PEX5L: variants seen among roughly 807,000 people sequenced by gnomAD.
The protein encoded by PEX5L is peroxisomal biogenesis factor 5 like.
PEX5L carries 30 observed loss-of-function variants against 84.0 expected under a neutral mutation model. The observed-to-expected ratio is 0.36, with a 90% CI of 0.27 to 0.48. The LOEUF is 0.48. Ranked by LOEUF, PEX5L falls within the 20% of genes least tolerant of loss-of-function variation. The probability of loss-of-function intolerance (pLI) is 0.99; values close to 1 mark genes in which losing one functional copy is unlikely to be tolerated. For synonymous variants in PEX5L, 270 were observed against 283.1 expected (o/e 0.95, Z 0.46); for missense variants, 533 against 754.6 (o/e 0.71, Z 3.44).
intron 1 of PEX5L, among the ~76,000 whole-genome samples, chr3:179,999,421 C>T (rs993181912): frequency 2.0e-5 from 3 of 152,186 alleles, no homozygotes; most frequent in Admixed American, 6.5e-5. Flanking sequence ...TGGAGTTACA[C>T]ATGGGCTCAG....
intron 1 of PEX5L, among the ~76,000 whole-genome samples, chr3:180,018,580 A>G (rs1454968262): frequency 6.6e-6 from 1 of 152,228 alleles, no homozygotes; most frequent in African/African-American, 2.4e-5. Context: ...TGTGCAAGTC[A>G]TTTCCAAACC....
At chr3:179,948,513 A>C (rs1371009249) in intron 2 of PEX5L, among the ~76,000 whole-genome samples, 1 of 152,204 alleles carries the variant, frequency 6.6e-6, no homozygotes, top group Admixed American at 6.5e-5. Context: ...GATGAATAAG[A>C]AGATAAACAG....
intron 2 of PEX5L, among the ~76,000 whole-genome samples, chr3:179,949,217 T>TAA (rs916324107): frequency 1.3e-5 from 2 of 150,960 alleles, no homozygotes; most frequent in African/African-American, 2.4e-5. Context: ...AGTAGATTTT[T>TAA]AAAAAAAAAA....
At chr3:179,876,698 G>A (rs532355191) in intron 5 of PEX5L, among the ~76,000 whole-genome samples, 1 of 152,142 alleles carries the variant, frequency 6.6e-6, no homozygotes, top group East Asian at 1.9e-4. Flanking sequence ...ATTTCAAACT[G>A]AAACTCTACT....
In PEX5L at chr3:180,036,857, G is replaced by C. The variant is rs560741533; in HGVS notation, c.-258C>G. 1 of 557,286 alleles carries C rather than the reference G, an allele frequency of 1.8e-6. No homozygotes were observed. Among genetic ancestry groups the C allele is most frequent in the South Asian group, 2.1e-5 (1 of 47,768 alleles). The allele number at this position is 557,286 out of a possible 1,614,324, so 34.5% of individuals were successfully genotyped here. A position where few individuals can be genotyped will look rare whatever the true frequency, so the allele number is the denominator to read the frequency against. ...AGAAGGCGAGGAGCCGGGTCGGCCA[G>C]GCTCTCCTGCAGGCGCGGGTCCTGC... On this transcript the variant is annotated 5_prime_UTR_variant, in exon 1 of 15. Transcript: ENST00000467460.
chr3:179,961,354 C>T (rs1781978626), intron 2 of PEX5L, among the ~76,000 whole-genome samples: 1 of 92,346 alleles, frequency 1.1e-5, no homozygotes, highest in Admixed American at 1.3e-4. Context: ...AGGAAGAAAG[C>T]AATGGAGCAT....
chr3:179,804,024 T>C (rs1310457187), intron 14 of PEX5L: 1 of 152,184 alleles, frequency 6.6e-6, no homozygotes, highest in Non-Finnish European at 1.5e-5. Context: ...TTTTCTCTCA[T>C]AGACCCAGAC....
At position 179,971,657 on chromosome 3, in the gene PEX5L, T is replaced by C; in HGVS notation, c.30A>G (p.Lys10=). MYQGHMQKS[K]EQGYGKLSSD... is the part of the protein sequence containing the mutation. ...TGCTTAGTTTTCCATATCCTTGTTC[T>C]TTACTTTTCTTGTGAAAGAATAATT... is the stretch of plus-strand genomic sequence containing the variant. Residue 10 remains lysine, a synonymous_variant, in exon 2 of 15, where the codon AAA becomes AAG. Coordinates refer to ENST00000467460, the MANE Select transcript of PEX5L (RefSeq NM_016559.3). 6.2e-7 allele frequency: 1 copy of C among 1,601,484 alleles called. No homozygotes were observed.
intron 5 of PEX5L, among the ~76,000 whole-genome samples, chr3:179,877,050 G>A (rs1045697222): frequency 1.3e-5 from 2 of 152,270 alleles, no homozygotes; most frequent in East Asian, 1.9e-4. Flanking sequence ...ATGAAACAAA[G>A]TTCTGACTGT....
intron 2 of PEX5L, among the ~76,000 whole-genome samples, chr3:179,952,460 G>A (rs1287442850): frequency 6.6e-6 from 1 of 152,152 alleles, no homozygotes; most frequent in Non-Finnish European, 1.5e-5. Context: ...CAATGAGACT[G>A]TTGAGGATAG....
chr3:179,802,624 T>C (rs1239921677), intron 14 of PEX5L, among the ~76,000 whole-genome samples: 3 of 151,746 alleles, frequency 2.0e-5, no homozygotes, highest in African/African-American at 7.3e-5. Flanking sequence ...AGCAAAACCA[T>C]GCAAATTCAT....
rs1361942655 is a variant in PEX5L, at chr3:179,994,803, AAAAT to A, written c.22-23142_22-23139del. Among the ~76,000 whole-genome samples, 10 of 152,072 alleles carry A rather than the reference AAAAT, an allele frequency of 6.6e-5. No homozygotes were observed. The East Asian group carries it at 1.5e-3, about 23-fold the overall frequency. Reference sequence around the variant, plus strand: ...CGTGACTAGAATATAAGCAGGCAGAAAAATGTGAAAAGACTATACTGGCTTAGCC... The same window carrying A: ...CGTGACTAGAATATAAGCAGGCAGAAGTGAAAAGACTATACTGGCTTAGCC... On this transcript the variant is annotated intron_variant, in intron 1 of 14. Transcript: ENST00000467460.
At chr3:179,904,296 A>T (rs1479197483) in intron 2 of PEX5L, among the ~76,000 whole-genome samples, 2 of 152,178 alleles carry the variant, frequency 1.3e-5, no homozygotes, top group Admixed American at 6.5e-5. Flanking sequence ...ATGAGGAGTT[A>T]CACTAATTAC....
intron 1 of PEX5L, among the ~76,000 whole-genome samples, chr3:180,003,252 ATGGAAAACATCTGGG>A (rs1788586379): frequency 6.6e-6 from 1 of 152,202 alleles, no homozygotes; most frequent in Non-Finnish European, 1.5e-5. Context: ...CATGTGAAAC[ATGGAAAACATCTGGG>A]ATTTAATCCA....
At chr3:179,812,790 G>A (rs1395797967) in intron 10 of PEX5L, among the ~76,000 whole-genome samples, 1 of 151,454 alleles carries the variant, frequency 6.6e-6, no homozygotes, top group African/African-American at 2.4e-5. Context: ...TGGGGGTGGA[G>A]GTATATTAGG....
intron 8 of PEX5L, among the ~76,000 whole-genome samples, chr3:179,855,508 T>C (rs961798377): frequency 1.3e-5 from 2 of 152,102 alleles, no homozygotes; most frequent in African/African-American, 2.4e-5. Flanking sequence ...ATTTGGAAAA[T>C]ACAAATAAGC....
chr3:179,875,528 G>T (rs962988942), intron 5 of PEX5L, 51 bp from the exon 6 acceptor site: 4 of 1,501,578 alleles, frequency 2.7e-6, no homozygotes, highest in Middle Eastern at 3.4e-4. Context: ...GGGCGGGGTA[G>T]GGGGAGCGGT....
intron 7 of PEX5L, among the ~76,000 whole-genome samples, chr3:179,867,065 TACAC>T (rs1228796858): frequency 8.3e-6 from 1 of 120,750 alleles, no homozygotes; most frequent in African/African-American, 3.1e-5. Flanking sequence ...GAAAAGAAAA[TACAC>T]ACAAAAACTG....
chr3:179,892,037 A>G (rs868444845), intron 3 of PEX5L, among the ~76,000 whole-genome samples: 4 of 152,152 alleles, frequency 2.6e-5, no homozygotes, highest in African/African-American at 9.7e-5. Flanking sequence ...GGTATGGAGT[A>G]TATTGATGTT....
Sources: allele counts gnomAD v4.1 joint callset (sites outside exome capture counted in the v4.1 genomes callset), GRCh38; gene constraint gnomAD v4.1.1; transcripts MANE v1.5; gene names NCBI Gene and HGNC (gene_info 2026-07-23, HGNC 2026-07-21).